Variants in GABRR2 observed in about 807,000 individuals in gnomAD.
GABRR2 encodes gamma-aminobutyric acid type A receptor subunit rho2.
GABRR2 carries 36 observed loss-of-function variants against 47.0 expected under a neutral mutation model. That is an observed-to-expected ratio of 0.77 (90% confidence interval 0.59 to 1.01). The LOEUF (loss-of-function observed/expected upper bound fraction) is 1.01, where lower values mean the gene tolerates loss of function less well. Among genes scored for constraint, GABRR2 ranks in the 50% least tolerant of loss-of-function variants. The pLI, the probability that GABRR2 is intolerant of heterozygous loss-of-function variation, is 0.00. For missense variants in GABRR2, 587 were observed against 594.6 expected (o/e 0.99, Z 0.13); for synonymous variants, 204 against 227.5 (o/e 0.90, Z 0.93).
intron 1 of GABRR2, among the ~76,000 whole-genome samples, chr6:89,309,004 G>A (rs559597786): frequency 7.1e-4 from 108 of 152,292 alleles, no homozygotes; most frequent in Non-Finnish European, 1.2e-3. Context: ...CTATGGGTTG[G>A]AATAGAGGGC....
Position 89,315,134 on chromosome 6 carries a change from A to G in GABRR2, c.32T>C (p.Leu11Ser). MPYFTRLILF[L>S]FCLMVLVESR... ...CTCCACGAGAACCATCAAGCAAAAC[A>G]AGAACAAAATGAGTCTTGTAAAATA... is the stretch of plus-strand genomic sequence containing the variant. The change falls in exon 1 of 9, where the codon TTG becomes TCG. Residue 11 changes from leucine to serine, a missense_variant. By Grantham distance (145) the Leu-to-Ser change is moderately radical. Transcript: ENST00000402938. The G allele has an allele frequency of 6.2e-7, 1 of 1,613,952 alleles. No individual in the cohort carries two copies.
At chr6:89,314,945 A>T in intron 1 of GABRR2, 108 bp downstream of exon 1, 1 of 911,560 alleles carries the variant, frequency 1.1e-6, no homozygotes, top group Non-Finnish European at 1.7e-6. Context: ...TCATTCTCAT[A>T]GGGCGATATC....
intron 2 of GABRR2, among the ~76,000 whole-genome samples, chr6:89,298,146 G>A (rs767166210): frequency 4.6e-5 from 7 of 152,204 alleles, no homozygotes; most frequent in Non-Finnish European, 8.8e-5. Flanking sequence ...GCGTCAATCA[G>A]GTTGCGGTTG....
chr6:89,300,745 C>CAAA lies in GABRR2; in HGVS notation c.114-883_114-881dup, dbSNP rs56360515. ...AATCAATAATAAATAGCGTACCAAC[C>CAAA]AAAAAAAAAAAAAAAAAAAAAGGCC... is the stretch of plus-strand genomic sequence containing the variant. On this transcript the variant is annotated intron_variant, in intron 1 of 8. Transcript: ENST00000402938. 1.2e-3 allele frequency among the ~76,000 whole-genome samples: 88 copies of CAAA among 76,354 alleles called. 2 individuals are homozygous for CAAA. The highest frequency in any genetic ancestry group is 1.3e-3 in the African/African-American group (25 of 18,940). 50.1% of individuals were successfully genotyped at this position (76,354 alleles called of 152,430 possible).
At chr6:89,314,975 CT>C in intron 1 of GABRR2, 77 bp downstream of exon 1, 1 of 1,312,358 alleles carries the variant, frequency 7.6e-7, no homozygotes, top group Non-Finnish European at 1.1e-6. Flanking sequence ...CCTTAGCCCC[CT>C]GGGGAGCCAT....
intron 7 of GABRR2, 144 bp downstream of exon 7, chr6:89,265,469 T>C (rs181690846): frequency 1.1e-6 from 1 of 871,762 alleles, no homozygotes; most frequent in East Asian, 2.8e-5. Context: ...ATCTAGATGG[T>C]AAAGGCAAGA....
chr6:89,309,380 G>C (rs992978586), intron 1 of GABRR2, among the ~76,000 whole-genome samples: 1 of 151,702 alleles, frequency 6.6e-6, no homozygotes, highest in Non-Finnish European at 1.5e-5. Context: ...AGCTTCCTCA[G>C]CTTCTCCCCC....
chr6:89,300,745 CA>C (rs56360515), intron 1 of GABRR2, among the ~76,000 whole-genome samples: 22,515 of 75,704 alleles, frequency 0.3, 1,703 homozygotes, highest in African/African-American at 0.38. Flanking sequence ...GCGTACCAAC[CA>C]AAAAAAAAAA....
intron 2 of GABRR2, among the ~76,000 whole-genome samples, chr6:89,275,470 C>T (rs1774141948): frequency 6.6e-6 from 1 of 152,128 alleles, no homozygotes; most frequent in South Asian, 2.1e-4. Context: ...GATGGAGTTT[C>T]ACCATCTTGG....
At chr6:89,267,533 C>A (rs1380817511) in intron 6 of GABRR2, 146 bp downstream of exon 6, 1 of 796,904 alleles carries the variant, frequency 1.3e-6, no homozygotes, top group Non-Finnish European at 1.9e-6. Flanking sequence ...CGCCACTACA[C>A]TCCAGCTTGG....
At chr6:89,301,531 G>T (rs1239122755) in intron 1 of GABRR2, among the ~76,000 whole-genome samples, 1 of 151,996 alleles carries the variant, frequency 6.6e-6, no homozygotes. Flanking sequence ...AAAGTTTTGG[G>T]ATACAAGATC....
chr6:89,269,839 A>G (rs1231227045), intron 3 of GABRR2, among the ~76,000 whole-genome samples: 2 of 152,216 alleles, frequency 1.3e-5, no homozygotes, highest in Non-Finnish European at 2.9e-5. Flanking sequence ...CATACCTACT[A>G]TAATTTCTGC....
chr6:89,259,178 C>T (rs1773681220), intron 8 of GABRR2, among the ~76,000 whole-genome samples: 2 of 152,062 alleles, frequency 1.3e-5, no homozygotes, highest in South Asian at 4.1e-4. Context: ...CCACTTGACA[C>T]ATCCAATTGG....
chr6:89,268,114 A>C lies in GABRR2; in HGVS notation c.513-18T>G. ...CCGTAATCCTAGACAACCCAGAGTC[A>C]CATATTGGCTTGTGCGGTGAATTAT... On this transcript the variant is annotated intron_variant, in intron 4 of 8. Coordinates refer to ENST00000402938, the MANE Select transcript of GABRR2 (RefSeq NM_002043.5). The C allele has an allele frequency of 1.3e-6, 2 of 1,592,710 alleles. No individual in the cohort carries two copies.
intron 2 of GABRR2, among the ~76,000 whole-genome samples, chr6:89,295,148 A>G (rs1651892891): frequency 6.6e-6 from 1 of 152,176 alleles, no homozygotes; most frequent in Admixed American, 6.5e-5. Context: ...TTCTTTGGGT[A>G]TATACCCAGT....
chr6:89,274,048 C>G (rs1365151610), intron 2 of GABRR2, among the ~76,000 whole-genome samples: 1 of 152,200 alleles, frequency 6.6e-6, no homozygotes, highest in Non-Finnish European at 1.5e-5. Flanking sequence ...CAGGCATTTT[C>G]CAGATAAAAT....
intron 8 of GABRR2, 45 bp downstream of exon 8, chr6:89,264,367 A>C: frequency 6.4e-7 from 1 of 1,569,586 alleles, no homozygotes; most frequent in Non-Finnish European, 8.6e-7. Flanking sequence ...CTTCATTTTC[A>C]CCCAGCAGCA....
At chr6:89,290,634 G>T (rs779255652) in intron 2 of GABRR2, among the ~76,000 whole-genome samples, 5 of 152,212 alleles carry the variant, frequency 3.3e-5, no homozygotes, top group Non-Finnish European at 7.4e-5. Context: ...GGCCCCTCTT[G>T]CCTGGGTCTG....
intron 2 of GABRR2, among the ~76,000 whole-genome samples, chr6:89,291,612 A>G (rs1360935911): frequency 6.6e-6 from 1 of 152,012 alleles, no homozygotes; most frequent in East Asian, 1.9e-4. Flanking sequence ...GTATCCTTCC[A>G]GATTCACTGC....
Sources: gnomAD v4.1 joint callset for allele counts (sites outside exome capture counted in the v4.1 genomes callset) on GRCh38, gnomAD v4.1.1 for gene constraint, MANE v1.5 for transcripts, NCBI Gene and HGNC (gene_info 2026-07-23, HGNC 2026-07-21) for gene names.